AAAS: variants seen among roughly 807,000 people sequenced by gnomAD.
AAAS encodes the protein aladin WD repeat nucleoporin.
AAAS carries 60 observed loss-of-function variants against 75.6 expected under a neutral mutation model. That is an observed-to-expected ratio of 0.79 (90% CI 0.64 to 0.98). The LOEUF (loss-of-function observed/expected upper bound fraction) is 0.98. AAAS is among the 50% of genes least tolerant of loss of function. AAAS has a pLI of 0.00. For synonymous variants in AAAS, 271 were observed against 265.0 expected (o/e 1.02, Z -0.22); for missense variants, 658 against 686.9 (o/e 0.96, Z 0.47).
chr12:53,315,352 G>C lies in AAAS; in HGVS notation c.382C>G (p.Leu128Val). ...AAACTTACAGACAGATGGGGGAACAGGGACCCATGGAGGGAAGAGGCCCAT... is the reference window on the plus strand; with the variant it reads ...AAACTTACAGACAGATGGGGGAACACGGACCCATGGAGGGAAGAGGCCCAT... ...CRWASSLHGS[L>V]FPHLSLRSED... The change falls in exon 4 of 16, where the codon CTG becomes GTG. Residue 128 changes from leucine (L) to valine (V), a missense_variant. By Grantham distance (32) the Leu-to-Val change is conservative. Coordinates refer to ENST00000209873, the MANE Select transcript of AAAS (RefSeq NM_015665.6). The C allele has an allele frequency of 1.9e-6, 3 of 1,614,184 alleles. No individual in the cohort carries two copies. The highest frequency in any genetic ancestry group is 2.5e-6 in the Non-Finnish European group (3 of 1,180,042).
rs760525679 is a variant in AAAS, at chr12:53,308,424, A to C, written c.1181+11T>G. 1.2e-6 allele frequency: 2 copies of C among 1,614,010 alleles called. No individual in the cohort carries two copies. Among genetic ancestry groups the C allele is most frequent in the Non-Finnish European group, 1.7e-6 (2 of 1,179,978 alleles). The stretch of plus-strand genomic sequence containing the variant: ...GCTTTTCACTGCCACTCCCTCAACC[A>C]CTCAGCTCACCTCTCCTCACCATCT... On this transcript the variant is annotated intron_variant, in intron 12 of 15. Transcript: ENST00000209873.
chr12:53,311,415 C>G (rs1429863029), intron 7 of AAAS, among the ~76,000 whole-genome samples: 1 of 152,290 alleles, frequency 6.6e-6, no homozygotes, highest in East Asian at 1.9e-4. Context: ...GCGCACGCCA[C>G]CACACCCAGC....
chr12:53,310,619 C>T (rs1944374870), intron 7 of AAAS, among the ~76,000 whole-genome samples: 1 of 151,996 alleles, frequency 6.6e-6, no homozygotes, highest in African/African-American at 2.4e-5. Flanking sequence ...CAGGGAACTA[C>T]CTGAGGGCAC....
In AAAS at chr12:53,308,129, C is replaced by T. The variant is rs957579659; in HGVS notation, c.1254G>A (p.Lys418=). 1 of 1,614,074 alleles carries T rather than the reference C, an allele frequency of 6.2e-7. No homozygotes were observed. Among genetic ancestry groups the T allele is most frequent in the African/African-American group, 1.3e-5 (1 of 74,924 alleles). Residue 418 remains lysine, a synonymous_variant, in exon 14 of 16, where the codon AAG becomes AAA. Coordinates refer to ENST00000209873, the MANE Select transcript of AAAS (RefSeq NM_015665.6). ...CTGGTTTACCATCCTGTACCCTTGG[C>T]TTTCCTGTAAGAAATGGATCCAGGG... is the stretch of plus-strand genomic sequence containing the variant. ...GERLAVLMKG[K]PRVQDGKPVI...
intron 1 of AAAS, 200 bp from the exon 2 acceptor site, chr12:53,320,892 G>A (rs1944543626): frequency 1.6e-6 from 1 of 640,662 alleles, no homozygotes; most frequent in Non-Finnish European, 2.7e-6. Flanking sequence ...TATTTCATAG[G>A]GTTGCTGTGA....
chr12:53,317,146 C>T lies in AAAS; in HGVS notation c.252-1364G>A, dbSNP rs140684573. 5.6e-3 allele frequency among the ~76,000 whole-genome samples: 844 copies of T among 150,990 alleles called. 8 individuals carry two copies. The highest frequency in any genetic ancestry group is 0.019 in the African/African-American group (796 of 41,078). ...ATCAGTTAAGAATCTACTTCAGGGC[C>T]GGGTGCGGTGGCTCACACCTGTAAT... On this transcript the variant is annotated intron_variant, in intron 2 of 15. Transcript: ENST00000209873.
intron 1 of AAAS, chr12:53,320,915 A>G (rs537795488): frequency 1.7e-6 from 1 of 597,398 alleles, no homozygotes; most frequent in Non-Finnish European, 2.9e-6. Flanking sequence ...ATGAAACCAT[A>G]TGACATTTTT....
intron 2 of AAAS, 90 bp from the exon 3 acceptor site, chr12:53,315,872 A>T (rs1944454729): frequency 1.4e-6 from 2 of 1,428,036 alleles, no homozygotes; most frequent in Non-Finnish European, 1.9e-6. Flanking sequence ...ATGTATTAAA[A>T]ATATGGGCAC....
Position 53,309,737 on chromosome 12 carries a change from G to C in AAAS, c.690-16C>G. The C allele has an allele frequency of 1.2e-6, 2 of 1,611,756 alleles. No homozygotes were observed. Among genetic ancestry groups the C allele is most frequent in the South Asian group, 1.1e-5 (1 of 90,386 alleles). On this transcript the variant is annotated splice_polypyrimidine_tract_variant and intron_variant, in intron 7 of 15. Transcript: ENST00000209873. ...AGAAGAGGGTCTGGAGGGGAACACA[G>C]AGGATGTGGAGTCAGAAGATGACAA...
Position 53,314,744 on chromosome 12 carries a change from C to T in AAAS, c.545+7G>A, listed in dbSNP as rs774891738. ...AGTCAGAGCCCACCTGGTGTCCCCA[C>T]ACACACCTGCTGGCATTATACACAC... On this transcript the variant is annotated splice_region_variant and intron_variant, in intron 6 of 15. Transcript: ENST00000209873. 1.2e-6 allele frequency: 2 copies of T among 1,612,354 alleles called. No homozygotes were observed. Among genetic ancestry groups the T allele is most frequent in the African/African-American group, 2.7e-5 (2 of 74,860 alleles).
chr12:53,313,611 AT>A (rs113763735), intron 7 of AAAS, among the ~76,000 whole-genome samples: 8,193 of 137,088 alleles, frequency 0.06, 401 homozygotes, highest in African/African-American at 0.15. Flanking sequence ...TTTATTCATA[AT>A]TTTTTTTTTT....
chr12:53,318,233 TGTGTGTGTGTGC>T (rs1282718548), intron 2 of AAAS, among the ~76,000 whole-genome samples: 2 of 130,416 alleles, frequency 1.5e-5, no homozygotes, highest in Non-Finnish European at 3.2e-5. Flanking sequence ...AGTGTGTGTG[TGTGTGTGTGTGC>T]GTGTGTGTGT....
rs376510838 is a variant in AAAS, at chr12:53,308,349, C to G, written c.1182G>C (p.Arg394Ser). 2.5e-6 allele frequency: 4 copies of G among 1,614,182 alleles called. No homozygotes were observed. Among genetic ancestry groups the G allele is most frequent in the Non-Finnish European group, 3.4e-6 (4 of 1,180,024 alleles). Reference sequence around the variant, plus strand: ...CCATGGAGTGAGCCTCTCCCCCAAGCCTGTGGGTAAGGACAGGTTAGGAGA... The same window carrying G: ...CCATGGAGTGAGCCTCTCCCCCAAGGCTGTGGGTAAGGACAGGTTAGGAGA... ...TTIQTPDGEE[R>S]LGGEAHSMVW... is the part of the protein sequence containing the mutation. The change falls in exon 13 of 16, where the codon AGG (arginine) becomes AGC (serine). Residue 394 changes from arginine to serine, a missense_variant and splice_region_variant. Coordinates refer to ENST00000209873, the MANE Select transcript of AAAS (RefSeq NM_015665.6).
At position 53,321,572 on chromosome 12, in the gene AAAS, C is replaced by T; in HGVS notation, c.-107G>A. ...GGCTAGATTCGTATGCGGACGGGTA[C>T]CGCAAGGGACAAACGGCGAGGCGGA... On this transcript the variant is annotated 5_prime_UTR_variant, in exon 1 of 16. Coordinates refer to ENST00000209873, the MANE Select transcript of AAAS (RefSeq NM_015665.6). 5.7e-6 allele frequency: 9 copies of T among 1,582,818 alleles called. No individual in the cohort carries two copies. The highest frequency in any genetic ancestry group is 7.7e-6 in the Non-Finnish European group (9 of 1,162,368).
intron 6 of AAAS, 118 bp downstream of exon 6, chr12:53,314,633 C>A (rs1363847076): frequency 7.5e-7 from 1 of 1,337,332 alleles, no homozygotes; most frequent in African/African-American, 1.5e-5. Context: ...TCCCTGACCC[C>A]AGTTCTGGAA....
intron 2 of AAAS, among the ~76,000 whole-genome samples, chr12:53,318,911 G>C (rs1292957576): frequency 6.6e-6 from 1 of 152,166 alleles, no homozygotes; most frequent in Non-Finnish European, 1.5e-5. Context: ...AGGAGACAAG[G>C]AGCCTGGGAA....
chr12:53,317,147 G>A (rs899034129), intron 2 of AAAS, among the ~76,000 whole-genome samples: 17 of 150,380 alleles, frequency 1.1e-4, no homozygotes, highest in African/African-American at 2.9e-4. Context: ...CTTCAGGGCC[G>A]GGTGCGGTGG....
chr12:53,316,278 C>T (rs1320036175), intron 2 of AAAS, among the ~76,000 whole-genome samples: 3 of 146,996 alleles, frequency 2.0e-5, no homozygotes, highest in Non-Finnish European at 3.0e-5. Flanking sequence ...GGTAAAACCC[C>T]GTCTCTACTA....
In AAAS at chr12:53,321,471, C is replaced by T; in HGVS notation, c.-6G>A. ...AACAACCCCAGAGAGCACATCTTGC[C>T]GGTTCGCAGGACGTCTGCAGTCGGC... is the stretch of plus-strand genomic sequence containing the variant. On this transcript the variant is annotated 5_prime_UTR_variant, in exon 1 of 16. Transcript: ENST00000209873. The T allele has an allele frequency of 6.2e-7, 1 of 1,613,974 alleles. No individual in the cohort carries two copies. The highest frequency in any genetic ancestry group is 1.1e-5 in the South Asian group (1 of 91,082).
Sources: gnomAD v4.1 joint callset for allele counts (sites outside exome capture counted in the v4.1 genomes callset) on GRCh38, gnomAD v4.1.1 for gene constraint, MANE v1.5 for transcripts, NCBI Gene and HGNC (gene_info 2026-07-23, HGNC 2026-07-21) for gene names.